LONP1: variants seen among roughly 807,000 people sequenced by gnomAD.
LONP1 encodes the protein lon peptidase 1, mitochondrial.
LONP1 carries 31 observed loss-of-function variants against 98.5 expected under a neutral mutation model. That is an observed-to-expected ratio of 0.31 (90% CI 0.24 to 0.42). LONP1 has a LOEUF of 0.42. Ranked by LOEUF, LONP1 falls within the 20% of genes least tolerant of loss-of-function variation. LONP1 has a pLI of 1.00. For missense variants in LONP1, 1,336 were observed against 1,350.6 expected (o/e 0.99, Z 0.17); for synonymous variants, 781 against 594.7 (o/e 1.31, Z -4.56).
At position 5,693,415 on chromosome 19, in the gene LONP1, C is replaced by T. The variant is rs141774590; in HGVS notation, c.2586G>A (p.Thr862=). The change falls in exon 17 of 18, where the codon ACG becomes ACA. Residue 862 remains threonine, a synonymous_variant. Transcript: ENST00000360614. ...DGPSAGCTIV[T]ALLSLAMGRP... ...TGCCCATGGCCAGGGACAGCAGGGC[C>T]GTGACGATGGTGCAGCCTGCGCTTG... is the stretch of plus-strand genomic sequence containing the variant. 323 of 1,612,580 alleles carry T rather than the reference C, an allele frequency of 2.0e-4. No homozygotes were observed. The highest frequency in any genetic ancestry group is 2.6e-4 in the Non-Finnish European group (301 of 1,179,452).
intron 2 of LONP1, among the ~76,000 whole-genome samples, chr19:5,713,970 C>T (rs552483374): frequency 2.6e-5 from 4 of 152,314 alleles, no homozygotes; most frequent in East Asian, 1.9e-4. Flanking sequence ...TAATTTCCCC[C>T]GTATCTTAAC....
In LONP1 at chr19:5,720,140, C is replaced by A; in HGVS notation, c.-8G>T. 7.1e-7 allele frequency: 1 copy of A among 1,401,772 alleles called. No individual in the cohort carries two copies. The highest frequency in any genetic ancestry group is 1.5e-5 in the African/African-American group (1 of 65,410). The allele number at this position is 1,401,772 out of a possible 1,614,324, so 86.8% of individuals were successfully genotyped here. A position where few individuals can be genotyped will look rare whatever the true frequency, so the allele number is the denominator to read the frequency against. On this transcript the variant is annotated 5_prime_UTR_variant, in exon 1 of 18. Coordinates refer to ENST00000360614, the MANE Select transcript of LONP1 (RefSeq NM_004793.4). ...GCCAGTGCTCGCCGCCATAGCCCGG[C>A]CATACTGGCGGCTCACACAACTCGC...
chr19:5,712,942 C>T (rs1384505854), intron 3 of LONP1, among the ~76,000 whole-genome samples, 192 bp downstream of exon 3: 1 of 152,170 alleles, frequency 6.6e-6, no homozygotes, highest in Non-Finnish European at 1.5e-5. Context: ...TGCAGCTCAC[C>T]CCTTTCTGAG....
At position 5,691,973 on chromosome 19, in the gene LONP1, C is replaced by A; in HGVS notation, c.*59G>T. 1 of 1,561,032 alleles carries A rather than the reference C, an allele frequency of 6.4e-7. No individual in the cohort carries two copies. Among genetic ancestry groups the A allele is most frequent in the Non-Finnish European group, 8.7e-7 (1 of 1,152,926 alleles). ...CCAGGTCCGGGCGCGCTCCCCACAG[C>A]GCTCAGTTCTGGCCCAGACAGGGCC... On this transcript the variant is annotated 3_prime_UTR_variant, in exon 18 of 18. Transcript: ENST00000360614.
At chr19:5,698,997 G>A (rs1250417525) in intron 10 of LONP1, 30 bp downstream of exon 10, 6 of 1,582,066 alleles carry the variant, frequency 3.8e-6, no homozygotes, top group Non-Finnish European at 5.2e-6. Flanking sequence ...TGAGGGGAGT[G>A]CGTGGGGAGA....
chr19:5,697,934 G>A (rs1033123855), intron 10 of LONP1, among the ~76,000 whole-genome samples: 3 of 152,020 alleles, frequency 2.0e-5, no homozygotes, highest in East Asian at 3.9e-4. Flanking sequence ...GAGGCTTCGC[G>A]ACCACTTCAA....
At chr19:5,703,289 G>A (rs995032958) in intron 8 of LONP1, among the ~76,000 whole-genome samples, 1 of 152,170 alleles carries the variant, frequency 6.6e-6, no homozygotes, top group South Asian at 2.1e-4. Flanking sequence ...GAGCCAAGAC[G>A]GCACTGGCTT....
chr19:5,719,509 G>A (rs2055389587), intron 1 of LONP1, among the ~76,000 whole-genome samples, 195 bp downstream of exon 1: 1 of 152,222 alleles, frequency 6.6e-6, no homozygotes, highest in South Asian at 2.1e-4. Context: ...CGGATCCTAA[G>A]AAATCCGAAA....
chr19:5,716,045 G>A (rs1434985171), intron 1 of LONP1, among the ~76,000 whole-genome samples: 1 of 151,388 alleles, frequency 6.6e-6, no homozygotes, highest in African/African-American at 2.4e-5. Context: ...TCAAGCCTTT[G>A]TTAATTCACT....
At chr19:5,692,379 C>T (rs1447447455) in intron 17 of LONP1, 171 bp from the exon 18 acceptor site, 2 of 592,534 alleles carry the variant, frequency 3.4e-6, no homozygotes, top group South Asian at 2.5e-5. Context: ...GGGAAACAGG[C>T]TCAAGGCAAA....
chr19:5,697,729 C>T (rs1482004422), intron 10 of LONP1, among the ~76,000 whole-genome samples: 3 of 150,484 alleles, frequency 2.0e-5, no homozygotes, highest in African/African-American at 7.3e-5. Context: ...AACAACGATC[C>T]ATCGCCCCGC....
Position 5,694,443 on chromosome 19 carries a change from C to T in LONP1, c.2264G>A (p.Arg755His), listed in dbSNP as rs2054886901. ...FVGKPVFTVE[R>H]MYDVTPPGVV... ...GCCGGGCGGTGTCACGTCATACATG[C>T]GCTCCACGGTGAACACGGGCTTCCC... Residue 755 changes from arginine to histidine, a missense_variant, in exon 15 of 18, where the codon CGC (arginine) becomes CAC (histidine). Around this residue, in one of 5 missense-constraint regions of LONP1, gnomAD observed 555 missense variants for 542.6 expected, o/e 1.02. Transcript: ENST00000360614. 8.1e-6 allele frequency: 13 copies of T among 1,613,394 alleles called. No homozygotes were observed. The highest frequency in any genetic ancestry group is 2.2e-5 in the East Asian group (1 of 44,900).
chr19:5,707,698 T>A lies in LONP1; in HGVS notation c.1061A>T (p.Asn354Ile). ...HELQDVLEET[N>I]IPKRLYKALS... ...GCTGTGGAGGTGACGAGCACTCACA[T>A]TGGTCTCTTCCAGGACGTCCTGCAG... Residue 354 changes from asparagine to isoleucine, a missense_variant and splice_region_variant, in exon 6 of 18, where the codon AAT (asparagine) becomes ATT (isoleucine). Physicochemically the swap from Asn to Ile is moderately radical, Grantham distance 149. Coordinates refer to ENST00000360614, the MANE Select transcript of LONP1 (RefSeq NM_004793.4). 6 of 1,609,282 alleles carry A rather than the reference T, an allele frequency of 3.7e-6. No homozygotes were observed. Among genetic ancestry groups the A allele is most frequent in the East Asian group, 2.2e-5 (1 of 44,726 alleles).
intron 10 of LONP1, among the ~76,000 whole-genome samples, chr19:5,698,779 C>A (rs2145591676): frequency 6.6e-6 from 1 of 152,332 alleles, no homozygotes; most frequent in East Asian, 1.9e-4. Flanking sequence ...CTGCTGAGGG[C>A]CGGCCCGAGA....
At chr19:5,718,366 T>C (rs1470776515) in intron 1 of LONP1, among the ~76,000 whole-genome samples, 1 of 151,462 alleles carries the variant, frequency 6.6e-6, no homozygotes, top group African/African-American at 2.4e-5. Flanking sequence ...TAATCCCAGC[T>C]ACTCAGGGGG....
chr19:5,703,768 G>A (rs934688786), intron 8 of LONP1, among the ~76,000 whole-genome samples: 2 of 152,060 alleles, frequency 1.3e-5, no homozygotes, highest in East Asian at 3.9e-4. Flanking sequence ...GCAGCCTGCT[G>A]CAGGCATCTT....
chr19:5,698,948 T>A, intron 10 of LONP1, 79 bp downstream of exon 10: 1 of 1,439,478 alleles, frequency 6.9e-7, no homozygotes. Flanking sequence ...TACCAGATGT[T>A]AAAGGGTGAC....
In LONP1 at chr19:5,700,115, A is replaced by T. The variant is rs554040077; in HGVS notation, c.1506+674T>A. On this transcript the variant is annotated intron_variant, in intron 9 of 17. Coordinates refer to ENST00000360614, the MANE Select transcript of LONP1 (RefSeq NM_004793.4). ...CATCACACCAGGCTAATTAAAAAAA[A>T]TTTTTTTTCCTTTTTGAGACGGAGT... Among the ~76,000 whole-genome samples the T allele has an allele frequency of 1.9e-3, 294 of 150,916 alleles. 1 individual carries two copies. Among genetic ancestry groups the T allele is most frequent in the Admixed American group, 8.8e-3 (133 of 15,172 alleles).
At chr19:5,718,531 C>G (rs1292842854) in intron 1 of LONP1, among the ~76,000 whole-genome samples, 1 of 151,966 alleles carries the variant, frequency 6.6e-6, no homozygotes, top group Non-Finnish European at 1.5e-5. Context: ...CCCTCTGTCC[C>G]CTCTCTACTG....
Sources: gnomAD v4.1 joint callset for allele counts (sites outside exome capture counted in the v4.1 genomes callset) on GRCh38, gnomAD v4.1.1 for gene constraint, gnomAD v4.1.1 regional missense constraint, MANE v1.5 for transcripts, NCBI Gene and HGNC (gene_info 2026-07-23, HGNC 2026-07-21) for gene names.